LAMC2: variants seen among roughly 807,000 people sequenced by gnomAD.
The protein encoded by LAMC2 is laminin subunit gamma 2.
A neutral mutation model predicts 140.2 loss-of-function variants in LAMC2; 97 were observed. The observed-to-expected ratio is 0.69, with a 90% CI of 0.59 to 0.82. LAMC2 has a LOEUF of 0.82. Among genes scored for constraint, LAMC2 ranks in the 40% least tolerant of loss-of-function variants. The pLI is 0.00. For missense variants in LAMC2, 1,402 were observed against 1,476.1 expected, an observed-to-expected ratio of 0.95 and a Z score of 0.82; for synonymous variants, 513 against 540.2, an observed-to-expected ratio of 0.95 and a Z score of 0.70.
intron 1 of LAMC2, 44 bp from the exon 2 acceptor site, chr1:183,207,835 GTT>G (rs10668798): frequency 2.3e-3 from 2,761 of 1,175,102 alleles, no homozygotes; most frequent in Non-Finnish European, 2.7e-3. Flanking sequence ...TTCCTGAGGT[GTT>G]TTTTTTTTTT....
chr1:183,194,538 A>T lies in LAMC2; in HGVS notation c.79+8107A>T, dbSNP rs61330263. The stretch of plus-strand genomic sequence containing the variant: ...TGTTTTTTTTTAAGGAATCAATGAA[A>T]CATAAATTTAAATAATTGAAAAATC... On this transcript the variant is annotated intron_variant, in intron 1 of 22. Transcript: ENST00000264144. Among the ~76,000 whole-genome samples, 914 of 152,354 alleles carry T rather than the reference A, an allele frequency of 6.0e-3. 9 individuals carry two copies. The highest frequency in any genetic ancestry group is 0.021 in the African/African-American group (871 of 41,582).
rs1375079650 is a variant in LAMC2 at position 183,218,388 on chromosome 1, A to G, written c.405-2A>G. 1 of 1,611,574 alleles carries G rather than the reference A, an allele frequency of 6.2e-7. No homozygotes were observed. The highest frequency in any genetic ancestry group is 2.2e-5 in the East Asian group (1 of 44,886). ...CCTAATTTTCTTTTTCTTCTTCCCC[A>G]GAGACTCCAAGTGTGACTGTGACCC... On this transcript the variant is annotated splice_acceptor_variant, in intron 3 of 22. Coordinates refer to ENST00000264144, the MANE Select transcript of LAMC2 (RefSeq NM_005562.3). LOFTEE classifies it high-confidence loss of function.
chr1:183,220,180 A>AGTC (rs1558089551), intron 4 of LAMC2, among the ~76,000 whole-genome samples: 3 of 152,200 alleles, frequency 2.0e-5, no homozygotes, highest in South Asian at 4.1e-4. Flanking sequence ...TGCCCCTGTT[A>AGTC]GTCGTGGTTC....
chr1:183,258,119 A>G, the LAMC2 span, among the ~76,000 whole-genome samples: 1 of 152,156 alleles, frequency 6.6e-6, no homozygotes, highest in East Asian at 1.9e-4. Flanking sequence ...GAGCCCATGG[A>G]GGAGAGGCAC....
intron 1 of LAMC2, among the ~76,000 whole-genome samples, chr1:183,205,798 T>A: frequency 7.3e-6 from 1 of 137,746 alleles, no homozygotes. Context: ...AAAAAGAGAG[T>A]AGGGGTGTGT....
chr1:183,232,628 C>T (rs767321637), intron 13 of LAMC2, 24 bp from the exon 14 acceptor site: 43 of 1,594,758 alleles, frequency 2.7e-5, no homozygotes, highest in Non-Finnish European at 3.5e-5. Context: ...AGTGCTCATG[C>T]TCCCTTTCCT....
At chr1:183,210,469 G>A (rs1223220258) in intron 2 of LAMC2, among the ~76,000 whole-genome samples, 1 of 152,174 alleles carries the variant, frequency 6.6e-6, no homozygotes. Context: ...TTAAGACAGT[G>A]GGGAAACTGA....
intron 1 of LAMC2, among the ~76,000 whole-genome samples, chr1:183,201,016 T>A (rs921525692): frequency 3.9e-5 from 6 of 152,072 alleles, no homozygotes; most frequent in Non-Finnish European, 5.9e-5. Context: ...TTCAGATGGG[T>A]TTATGTAGGA....
At chr1:183,194,268 T>C (rs1658443481) in intron 1 of LAMC2, among the ~76,000 whole-genome samples, 1 of 147,318 alleles carries the variant, frequency 6.8e-6, no homozygotes, top group African/African-American at 2.5e-5. Context: ...AAAAAAAAAA[T>C]CTGTAAGTAA....
chr1:183,255,811 A>C, the LAMC2 span, among the ~76,000 whole-genome samples: 5,134 of 151,914 alleles, frequency 0.034, 292 homozygotes, highest in African/African-American at 0.12. Flanking sequence ...TTACAGGCAC[A>C]AGCCACAATG....
chr1:183,240,706 C>T (rs1660111407), intron 22 of LAMC2: 18 of 1,268,094 alleles, frequency 1.4e-5, no homozygotes, highest in Non-Finnish European at 1.6e-5. Context: ...AAGAGTCTGG[C>T]CTGGACCCTG....
intron 8 of LAMC2, 94 bp downstream of exon 8, chr1:183,225,814 A>ACT: frequency 2.5e-6 from 2 of 800,404 alleles, no homozygotes; most frequent in Non-Finnish European, 4.4e-6. Flanking sequence ...AAACAAGTAG[A>ACT]TAAGTTACTT....
intron 1 of LAMC2, among the ~76,000 whole-genome samples, chr1:183,192,327 A>T (rs1007889267): frequency 6.6e-6 from 1 of 152,258 alleles, no homozygotes; most frequent in African/African-American, 2.4e-5. Flanking sequence ...TTGCAGCCAA[A>T]TCATTTCCCA....
In LAMC2 at chr1:183,186,370, G is replaced by GGGCTGCTGCCTCTGCTTC; in HGVS notation, c.19_36dup (p.Gly7_Phe12dup). 1 of 1,604,014 alleles carries GGGCTGCTGCCTCTGCTTC rather than the reference G, an allele frequency of 6.2e-7. No homozygotes were observed. The highest frequency in any genetic ancestry group is 8.5e-7 in the Non-Finnish European group (1 of 1,179,246). ...GCCCCGCCATGCCTGCGCTCTGGCT[G>GGGCTGCTGCCTCTGCTTC]GGCTGCTGCCTCTGCTTCTCGCTCC... is the stretch of plus-strand genomic sequence containing the variant. On this transcript the variant is annotated inframe_insertion, in exon 1 of 23. Coordinates refer to ENST00000264144, the MANE Select transcript of LAMC2 (RefSeq NM_005562.3).
At chr1:183,190,615 C>T (rs79190073) in intron 1 of LAMC2, among the ~76,000 whole-genome samples, 18,872 of 151,994 alleles carry the variant, frequency 0.12, 3,488 homozygotes, top group African/African-American at 0.41. Flanking sequence ...AGAACTTCCC[C>T]CACATTCAAA....
At chr1:183,205,639 A>G (rs1445139456) in intron 1 of LAMC2, among the ~76,000 whole-genome samples, 1 of 152,194 alleles carries the variant, frequency 6.6e-6, no homozygotes, top group African/African-American at 2.4e-5. Context: ...AGACTTGGAG[A>G]TGACAGATCT....
intron 4 of LAMC2, among the ~76,000 whole-genome samples, chr1:183,219,516 G>T (rs1034876522): frequency 1.3e-5 from 2 of 152,022 alleles, no homozygotes; most frequent in Non-Finnish European, 2.9e-5. Context: ...TATGGTAATC[G>T]CTTTCTTTCT....
At chr1:183,210,979 GATA>G (rs1198181422) in intron 2 of LAMC2, among the ~76,000 whole-genome samples, 1 of 152,172 alleles carries the variant, frequency 6.6e-6, no homozygotes, top group Non-Finnish European at 1.5e-5. Context: ...TTCACTTTCA[GATA>G]ATAACTTGAC....
downstream of LAMC2, among the ~76,000 whole-genome samples, chr1:183,247,283 G>A (rs140637497): frequency 9.2e-5 from 14 of 152,302 alleles, no homozygotes; most frequent in African/African-American, 3.4e-4. Flanking sequence ...TTGCACTCCA[G>A]TGTGGGCGAC....
Sources: gnomAD v4.1 joint callset for allele counts (sites outside exome capture counted in the v4.1 genomes callset) on GRCh38, gnomAD v4.1.1 for gene constraint, MANE v1.5 for transcripts, NCBI Gene and HGNC (gene_info 2026-07-23, HGNC 2026-07-21) for gene names.